The following IRAK4 variants were observed in gnomAD, a reference collection of about 807,000 sequenced individuals.
The protein encoded by IRAK4 is interleukin 1 receptor associated kinase 4, also known as interleukin-1 receptor-associated kinase 4.
IRAK4 carries 44 observed loss-of-function variants against 51.8 expected under a neutral mutation model. The observed-to-expected ratio is 0.85, with a 90% CI of 0.67 to 1.09. The LOEUF (loss-of-function observed/expected upper bound fraction) is 1.09, where lower values mean the gene tolerates loss of function less well. Among genes scored for constraint, IRAK4 ranks in the 50% least tolerant of loss-of-function variants. The pLI, the probability that IRAK4 is intolerant of heterozygous loss-of-function variation, is 0.00. For missense variants in IRAK4, 487 were observed against 538.0 expected, an observed-to-expected ratio of 0.91 and a Z score of 0.94; for synonymous variants, 149 against 174.1, an observed-to-expected ratio of 0.86 and a Z score of 1.13.
In IRAK4 at chr12:43,777,555, CTT is replaced by C. The variant is rs976180275; in HGVS notation, c.717-73_717-72del. Reference sequence around the variant, plus strand: ...TTTTTGCTCTTTTTTTCTATTAAAACTTTGAATAACTTCCAACCTATAGCTGA... The same window carrying C: ...TTTTTGCTCTTTTTTTCTATTAAAACTGAATAACTTCCAACCTATAGCTGA... On this transcript the variant is annotated intron_variant, in intron 6 of 11. Transcript: ENST00000613694. 6.7e-5 allele frequency: 91 copies of C among 1,359,272 alleles called. No homozygotes were observed. The African/African-American group carries it at 8.5e-4, about 13-fold the overall frequency. 84.2% of individuals were successfully genotyped at this position (1,359,272 alleles called of 1,614,324 possible).
chr12:43,771,072 C>G (rs1268525562), intron 2 of IRAK4, 148 bp from the exon 3 acceptor site: 1 of 748,828 alleles, frequency 1.3e-6, no homozygotes, highest in Admixed American at 2.0e-5. Flanking sequence ...CAGATGCAGC[C>G]TCTCGATCTT....
intron 2 of IRAK4, among the ~76,000 whole-genome samples, chr12:43,768,815 T>C (rs1940448217): frequency 1.3e-5 from 2 of 152,216 alleles, no homozygotes; most frequent in Admixed American, 6.5e-5. Flanking sequence ...TTTTTACTCA[T>C]CTCTGCTCAA....
intron 9 of IRAK4, 33 bp from the exon 10 acceptor site, chr12:43,783,629 G>A (rs763896878): frequency 5.0e-5 from 69 of 1,368,620 alleles, no homozygotes; most frequent in Non-Finnish European, 6.4e-5. Context: ...CCTATCTTGT[G>A]TATTATATTA....
In IRAK4 at chr12:43,786,515, A is replaced by G; in HGVS notation, c.1305A>G (p.Gln435=). The change falls in exon 11 of 12, where the codon CAA becomes CAG. Residue 435 remains glutamine, a synonymous_variant. Coordinates refer to ENST00000613694, the MANE Select transcript of IRAK4 (RefSeq NM_016123.4). ...AAGCTATGTACTCTGTTGCTAGTCA[A>G]TGTCTGCATGAAAAGAAAAATAAGA... The part of the protein sequence containing the change: ...SVEAMYSVAS[Q]CLHEKKNKRP... 6.2e-7 allele frequency: 1 copy of G among 1,613,544 alleles called. No homozygotes were observed. Among genetic ancestry groups the G allele is most frequent in the East Asian group, 2.2e-5 (1 of 44,788 alleles).
At chr12:43,765,586 A>G (rs1940042908) in intron 1 of IRAK4, among the ~76,000 whole-genome samples, 1 of 152,086 alleles carries the variant, frequency 6.6e-6, no homozygotes, top group Non-Finnish European at 1.5e-5. Flanking sequence ...CTGTTTAGAC[A>G]TGAATGATAA....
At chr12:43,785,190 T>C (rs914503460) in intron 10 of IRAK4, among the ~76,000 whole-genome samples, 5 of 152,096 alleles carry the variant, frequency 3.3e-5, no homozygotes, top group African/African-American at 9.7e-5. Context: ...TAATTACACC[T>C]AAAAGGGCCC....
At position 43,777,671 on chromosome 12, in the gene IRAK4, G is replaced by C. The variant is rs775286298; in HGVS notation, c.758G>C (p.Ser253Thr). The change falls in exon 7 of 12, where the codon AGT becomes ACT. Residue 253 changes from serine to threonine, a missense_variant. Physicochemically the swap from Ser to Thr is moderately conservative, Grantham distance 58. Transcript: ENST00000613694. ...ENLVELLGFS[S>T]DGDDLCLVYV... is the part of the protein sequence containing the mutation. ...TTAGTAGAACTACTTGGTTTCTCAA[G>C]TGATGGAGATGACCTCTGCTTAGTA... is the stretch of plus-strand genomic sequence containing the variant. 7 of 1,610,622 alleles carry C rather than the reference G, an allele frequency of 4.3e-6. No individual in the cohort carries two copies. The South Asian group carries it at 7.8e-5, about 18-fold the overall frequency.
At chr12:43,768,030 T>A in intron 1 of IRAK4, 73 bp from the exon 2 acceptor site, 1 of 1,066,308 alleles carries the variant, frequency 9.4e-7, no homozygotes, top group Non-Finnish European at 1.4e-6. Flanking sequence ...TATAGCAAAG[T>A]GTGATATATA....
chr12:43,767,916 T>C (rs1592220592), intron 1 of IRAK4, among the ~76,000 whole-genome samples, 187 bp from the exon 2 acceptor site: 1 of 152,198 alleles, frequency 6.6e-6, no homozygotes, highest in Non-Finnish European at 1.5e-5. Flanking sequence ...CAGAGGATAA[T>C]TGGACAAATG....
rs1480902302 is a variant in IRAK4 at position 43,782,508 on chromosome 12, A to G, written c.1125+18A>G. ...TTGGTGTGGTAAGTTCCGTATACAT[A>G]ATTATTAAAAATAATCATTCTGCTA... On this transcript the variant is annotated intron_variant, in intron 9 of 11. Transcript: ENST00000613694. The G allele has an allele frequency of 1.9e-6, 3 of 1,561,438 alleles. No homozygotes were observed. Among genetic ancestry groups the G allele is most frequent in the Non-Finnish European group, 2.6e-6 (3 of 1,133,796 alleles).
At position 43,777,790 on chromosome 12, in the gene IRAK4, T is replaced by G. The variant is rs747867312; in HGVS notation, c.831+46T>G. 7.1e-6 allele frequency: 10 copies of G among 1,400,798 alleles called. No individual in the cohort carries two copies. In the South Asian group the frequency reaches 1.2e-4, roughly 16 times the overall value. The allele number at this position is 1,400,798 out of a possible 1,614,324, so 86.8% of individuals were successfully genotyped here. ...ATTGTTTGGCTTTTTGTTTATATGC[T>G]GGAATATTAATATTCATTTTGTTAC... is the stretch of plus-strand genomic sequence containing the variant. On this transcript the variant is annotated intron_variant, in intron 7 of 11. Coordinates refer to ENST00000613694, the MANE Select transcript of IRAK4 (RefSeq NM_016123.4).
chr12:43,764,412 A>G (rs1018677087), intron 1 of IRAK4, among the ~76,000 whole-genome samples: 14 of 152,368 alleles, frequency 9.2e-5, no homozygotes, highest in Middle Eastern at 3.4e-3. Context: ...TGATAGAGCA[A>G]GACTCCAAAA....
In IRAK4 at chr12:43,772,179, G is replaced by C; in HGVS notation, c.308-1G>C. 1 of 1,611,902 alleles carries C rather than the reference G, an allele frequency of 6.2e-7. No homozygotes were observed. The highest frequency in any genetic ancestry group is 8.5e-7 in the Non-Finnish European group (1 of 1,178,844). On this transcript the variant is annotated splice_acceptor_variant, in intron 3 of 11. Transcript: ENST00000613694. LOFTEE classifies it high-confidence loss of function. ...CACTTGTATCTTACTTCATTTGTTA[G>C]ATGCTGTTCCCAAAACTGCTAATAC...
intron 2 of IRAK4, 57 bp from the exon 3 acceptor site, chr12:43,771,163 G>A (rs1940716878): frequency 2.1e-6 from 3 of 1,409,078 alleles, no homozygotes; most frequent in African/African-American, 1.4e-5. Flanking sequence ...TATTATTGCA[G>A]CACAAAATGG....
chr12:43,769,949 A>G (rs1047406644), intron 2 of IRAK4, among the ~76,000 whole-genome samples: 1 of 152,186 alleles, frequency 6.6e-6, no homozygotes, highest in Non-Finnish European at 1.5e-5. Context: ...ATTCTAAAAC[A>G]CACACACCCA....
chr12:43,773,639 GTTTTTTTTTCCAT>G (rs981264308), intron 5 of IRAK4, among the ~76,000 whole-genome samples: 7 of 150,028 alleles, frequency 4.7e-5, no homozygotes, highest in African/African-American at 1.2e-4. Context: ...CTTTTGTAGG[GTTTTTTTTTCCAT>G]TTTGCACCTA....
intron 5 of IRAK4, 52 bp downstream of exon 5, chr12:43,773,124 T>C: frequency 6.7e-7 from 1 of 1,483,176 alleles, no homozygotes; most frequent in Non-Finnish European, 9.4e-7. Flanking sequence ...TAGTGTGCCC[T>C]ATAATAGGTT....
intron 6 of IRAK4, among the ~76,000 whole-genome samples, chr12:43,776,653 G>A (rs1414252526): frequency 6.6e-6 from 1 of 152,242 alleles, no homozygotes; most frequent in Non-Finnish European, 1.5e-5. Context: ...TAAAGGAGCT[G>A]AGGCTCAGTA....
At chr12:43,767,305 C>T (rs904386832) in intron 1 of IRAK4, among the ~76,000 whole-genome samples, 16 of 152,136 alleles carry the variant, frequency 1.1e-4, no homozygotes, top group African/African-American at 2.9e-4. Context: ...GAAGGATTAA[C>T]GGCAGTGTTG....
Sources: gnomAD v4.1 joint callset for allele counts (sites outside exome capture counted in the v4.1 genomes callset) on GRCh38, gnomAD v4.1.1 for gene constraint, MANE v1.5 for transcripts, NCBI Gene and HGNC (gene_info 2026-07-23, HGNC 2026-07-21) for gene names.